The following FOCAD variants were observed in gnomAD, a reference collection of about 807,000 sequenced individuals.
FOCAD encodes the protein KIAA1797.
FOCAD carries 198 observed loss-of-function variants against 225.6 expected under a neutral mutation model. The observed-to-expected ratio is 0.88, with a 90% CI of 0.78 to 0.99. FOCAD has a LOEUF of 0.99. Among genes scored for constraint, FOCAD ranks in the 50% least tolerant of loss-of-function variants. The pLI is 0.00. For synonymous variants in FOCAD, 897 were observed against 755.0 expected (o/e 1.19, Z -3.08); for missense variants, 2,713 against 2,123.6 (o/e 1.28, Z -5.46).
At chr9:20,774,068 G>T (rs1163295859) in intron 8 of FOCAD, among the ~76,000 whole-genome samples, 1 of 152,160 alleles carries the variant, frequency 6.6e-6, no homozygotes, top group East Asian at 1.9e-4. Context: ...AGGGATCTAG[G>T]TTGTGTGCTC....
chr9:20,994,283 C>A (rs1174357382), intron 43 of FOCAD, among the ~76,000 whole-genome samples: 1 of 152,142 alleles, frequency 6.6e-6, no homozygotes, highest in East Asian at 1.9e-4. Flanking sequence ...TTCCGTAAAA[C>A]TTATGTAGAT....
chr9:20,760,052 C>G (rs1829435345), intron 6 of FOCAD, among the ~76,000 whole-genome samples: 1 of 152,194 alleles, frequency 6.6e-6, no homozygotes. Context: ...CTCAATATCT[C>G]TTGATGTGGC....
chr9:20,914,156 G>T (rs1269497897), intron 23 of FOCAD, among the ~76,000 whole-genome samples: 2 of 151,284 alleles, frequency 1.3e-5, no homozygotes, highest in South Asian at 2.1e-4. Flanking sequence ...CTACCTTGAA[G>T]TGAGCTCTTC....
At chr9:20,690,403 C>T (rs894460354) in intron 1 of FOCAD, among the ~76,000 whole-genome samples, 3 of 152,136 alleles carry the variant, frequency 2.0e-5, no homozygotes, top group African/African-American at 2.4e-5. Flanking sequence ...TTATTTGTTA[C>T]CCCTTATGGT....
At chr9:20,909,625 A>G (rs1833273020) in intron 22 of FOCAD, among the ~76,000 whole-genome samples, 1 of 151,974 alleles carries the variant, frequency 6.6e-6, no homozygotes, top group East Asian at 1.9e-4. Flanking sequence ...TTCCATTGAG[A>G]ATTGGTGACA....
intron 16 of FOCAD, 55 bp from the exon 17 acceptor site, chr9:20,865,871 G>T: frequency 7.8e-7 from 1 of 1,283,116 alleles, no homozygotes; most frequent in Non-Finnish European, 1.1e-6. Flanking sequence ...GGATTATTTA[G>T]TCTCAGTTTT....
chr9:20,815,137 G>GTTTTTTTTTTTTTTTTTTTTTTTTTTT (rs71334555), intron 11 of FOCAD, among the ~76,000 whole-genome samples: 3 of 69,116 alleles, frequency 4.3e-5, no homozygotes, highest in African/African-American at 1.2e-4. Flanking sequence ...TTTTTTTTTT[G>GTTTTTTTTTTTTTTTTTTTTTTTTTTT]TTTTTTTTTT....
In FOCAD at chr9:20,778,527, T is replaced by G. The variant is rs76546645; in HGVS notation, c.907-154T>G. On this transcript the variant is annotated intron_variant, in intron 8 of 43. Coordinates refer to ENST00000338382, the MANE Select transcript of FOCAD (RefSeq NM_001375567.1). The stretch of plus-strand genomic sequence containing the variant: ...GAGCTGCCACGCCCGGCCGACCAAT[T>G]CTTTCTTTAGTAGAGCACACTTGCT... Among the ~76,000 whole-genome samples, 5,843 of 152,308 alleles carry G rather than the reference T, an allele frequency of 0.038. 146 individuals carry two copies. The highest frequency in any genetic ancestry group is 0.072 in the African/African-American group (2,986 of 41,562).
At chr9:20,926,178 G>T in intron 25 of FOCAD, 123 bp from the exon 26 acceptor site, 1 of 625,720 alleles carries the variant, frequency 1.6e-6, no homozygotes, top group Non-Finnish European at 2.8e-6. Flanking sequence ...CCAAGCAGAT[G>T]AAGTTTACTT....
chr9:20,888,545 A>C lies in FOCAD; in HGVS notation c.2625+3315A>C, dbSNP rs563647926. Among the ~76,000 whole-genome samples, 73 of 152,308 alleles carry C rather than the reference A, an allele frequency of 4.8e-4. 1 individual carries two copies. Among genetic ancestry groups the C allele is most frequent in the Middle Eastern group, 6.8e-3 (2 of 294 alleles). ...GCTTTTTGTTTAATCCGAGATTACA[A>C]AAATTTTTCATTTTCTTTTTTCCTG... On this transcript the variant is annotated intron_variant, in intron 21 of 43. Transcript: ENST00000338382.
At chr9:20,778,223 G>A (rs960854574) in intron 8 of FOCAD, among the ~76,000 whole-genome samples, 3 of 151,200 alleles carry the variant, frequency 2.0e-5, no homozygotes, top group Admixed American at 6.6e-5. Flanking sequence ...TTGAATTTAT[G>A]TGTGACTGTG....
chr9:20,694,729 T>G (rs1035869878), intron 1 of FOCAD, among the ~76,000 whole-genome samples: 1 of 152,190 alleles, frequency 6.6e-6, no homozygotes, highest in Non-Finnish European at 1.5e-5. Context: ...GTCAATCTTG[T>G]TTTTCTCTCT....
intron 1 of FOCAD, among the ~76,000 whole-genome samples, chr9:20,694,260 C>A (rs181794760): frequency 2.0e-5 from 3 of 152,266 alleles, no homozygotes; most frequent in East Asian, 3.9e-4. Context: ...TAGACTCTCT[C>A]CACCTCCACA....
chr9:20,774,862 A>T (rs1206142301), intron 8 of FOCAD, among the ~76,000 whole-genome samples: 2 of 152,174 alleles, frequency 1.3e-5, no homozygotes, highest in African/African-American at 4.8e-5. Flanking sequence ...CAATTAGTAG[A>T]ACTGTTGAAA....
intron 15 of FOCAD, among the ~76,000 whole-genome samples, chr9:20,848,278 A>G (rs1273645159): frequency 6.6e-6 from 1 of 152,048 alleles, no homozygotes; most frequent in Non-Finnish European, 1.5e-5. Context: ...AAACGCAGCA[A>G]GGCCTGTCCA....
chr9:20,905,267 G>A (rs1157529395), intron 21 of FOCAD, among the ~76,000 whole-genome samples: 1 of 151,984 alleles, frequency 6.6e-6, no homozygotes, highest in East Asian at 1.9e-4. Flanking sequence ...CTTTAACCTT[G>A]AGTTTATAAC....
At chr9:20,726,228 T>A (rs188614828) in intron 4 of FOCAD, 37 of 152,356 alleles carry the variant, frequency 2.4e-4, no homozygotes, top group Admixed American at 1.2e-3. Context: ...AAACCATTTT[T>A]CTTTCCTTAG....
At chr9:20,930,027 G>C (rs944779563) in intron 27 of FOCAD, among the ~76,000 whole-genome samples, 1 of 152,196 alleles carries the variant, frequency 6.6e-6, no homozygotes, top group African/African-American at 2.4e-5. Flanking sequence ...CCTAAGGGGT[G>C]TTGGGAATCA....
rs947143814 is a variant in FOCAD, at chr9:20,820,359, A to G, written c.1596A>G (p.Leu532=). 1.2e-5 allele frequency: 20 copies of G among 1,612,668 alleles called. No individual in the cohort carries two copies. In the Admixed American group the frequency reaches 2.2e-4, roughly 18 times the overall value. The change falls in exon 13 of 44, where the codon CTA becomes CTG. Residue 532 remains leucine, a synonymous_variant. Transcript: ENST00000338382. ...CIGQILRIIQ[L]LGTTPRLRAV... ...GACAAATTCTACGAATAATACAACT[A>G]CTTGGAACCACACCACGACTAAGAG... is the stretch of plus-strand genomic sequence containing the variant.
Sources: gnomAD v4.1 joint callset for allele counts (sites outside exome capture counted in the v4.1 genomes callset) on GRCh38, gnomAD v4.1.1 for gene constraint, MANE v1.5 for transcripts, NCBI Gene and HGNC (gene_info 2026-07-23, HGNC 2026-07-21) for gene names.